PKHD1L1: variants seen among roughly 807,000 people sequenced by gnomAD.
The protein encoded by PKHD1L1 is PKHD1 like 1.
A neutral mutation model predicts 462.9 loss-of-function variants in PKHD1L1; 434 were observed. That is an observed-to-expected ratio of 0.94 (90% CI 0.87 to 1.02). The LOEUF is 1.02. PKHD1L1 is among the 50% of genes least tolerant of loss of function. The pLI is 0.00. For synonymous variants in PKHD1L1, 1,781 were observed against 1,750.0 expected (o/e 1.02, Z -0.44); for missense variants, 5,202 against 5,096.1 (o/e 1.02, Z -0.63).
chr8:109,460,241 A>T (rs868715046), intron 47 of PKHD1L1, among the ~76,000 whole-genome samples: 2 of 152,176 alleles, frequency 1.3e-5, no homozygotes, highest in African/African-American at 4.8e-5. Context: ...CTCAGAAAAT[A>T]TGGCAAACTA....
intron 2 of PKHD1L1, among the ~76,000 whole-genome samples, chr8:109,374,851 A>G (rs1811722799): frequency 1.3e-5 from 2 of 152,108 alleles, no homozygotes; most frequent in African/African-American, 2.4e-5. Context: ...TGGCTTGTAG[A>G]GTTTCTGCCG....
rs1333162427 is a variant in PKHD1L1 at position 109,425,326 on chromosome 8, CTTA to C, written c.2845+97_2845+99del. 3.8e-4 allele frequency: 309 copies of C among 802,802 alleles called. 1 individual carries two copies. In the East Asian group the frequency reaches 1.0e-2, roughly 26 times the overall value. 49.7% of individuals were successfully genotyped at this position (802,802 alleles called of 1,614,324 possible). A position where few individuals can be genotyped will look rare whatever the true frequency, so the allele number is the denominator to read the frequency against. ...ATTTTGTTTAACTTGAGAATTACTA[CTTA>C]TTGATACATACAAATATATTAATTA... On this transcript the variant is annotated intron_variant, in intron 24 of 77. Coordinates refer to ENST00000378402, the MANE Select transcript of PKHD1L1 (RefSeq NM_177531.6).
Position 109,400,214 on chromosome 8 carries a change from A to T in PKHD1L1, c.1151A>T (p.Glu384Val). Reference sequence around the variant, plus strand: ...TCAGCTTCCTATATTTGGCTCATGGAACAAGACACATTTGTTGCACGCTTT... The same window carrying T: ...TCAGCTTCCTATATTTGGCTCATGGTACAAGACACATTTGTTGCACGCTTT... ...VDSASYIWLM[E>V]QDTFVARFSG... The change falls in exon 13 of 78, where the codon GAA (glutamate) becomes GTA (valine). Residue 384 changes from glutamate (E) to valine (V), a missense_variant. Physicochemically the swap from Glu to Val is moderately radical, Grantham distance 121. This residue lies in a region of PKHD1L1 where 4,497 missense variants were observed against 4,336.8 expected (regional missense o/e 1.04). Transcript: ENST00000378402. The T allele has an allele frequency of 6.2e-7, 1 of 1,613,698 alleles. No homozygotes were observed. The highest frequency in any genetic ancestry group is 1.3e-5 in the African/African-American group (1 of 75,010).
chr8:109,533,431 T>G lies in PKHD1L1; in HGVS notation c.*3341T>G, dbSNP rs186949473. 6.6e-6 allele frequency among the ~76,000 whole-genome samples: 1 copy of G among 152,356 alleles called. No homozygotes were observed. Among genetic ancestry groups the G allele is most frequent in the Non-Finnish European group, 1.5e-5 (1 of 68,034 alleles). On this transcript the variant is annotated 3_prime_UTR_variant, in exon 78 of 78. Transcript: ENST00000378402. Reference sequence around the variant, plus strand: ...TAAACCATTAGGCTTCTTATTACACTGGAACAGTGCCTGGCATGTAATAAG... The same window carrying G: ...TAAACCATTAGGCTTCTTATTACACGGGAACAGTGCCTGGCATGTAATAAG...
intron 21 of PKHD1L1, among the ~76,000 whole-genome samples, chr8:109,415,863 GGGT>G (rs1814133351): frequency 1.6e-5 from 1 of 64,052 alleles, no homozygotes; most frequent in Non-Finnish European, 3.5e-5. Flanking sequence ...AAAAAAAAAG[GGGT>G]GTGTGTGTGT....
intron 50 of PKHD1L1, among the ~76,000 whole-genome samples, chr8:109,468,794 T>G (rs1366733118): frequency 6.6e-6 from 1 of 152,178 alleles, no homozygotes; most frequent in Non-Finnish European, 1.5e-5. Flanking sequence ...ATGGAAGGTC[T>G]GGTTATTTTT....
Position 109,420,615 on chromosome 8 carries a change from A to C in PKHD1L1, c.2622A>C (p.Thr874=). ...CCAAAACAAATGGGCCAACTATGAC[A>C]AACCAATATTCTGTTACCATGACTT... ...NQTKTNGPTM[T]NQYSVTMTSY... Residue 874 remains threonine, a synonymous_variant, in exon 23 of 78, where the codon ACA becomes ACC. Transcript: ENST00000378402. The C allele has an allele frequency of 6.2e-7, 1 of 1,610,336 alleles. No homozygotes were observed. The highest frequency in any genetic ancestry group is 8.5e-7 in the Non-Finnish European group (1 of 1,178,082).
rs1815409603 is a variant in PKHD1L1, at chr8:109,436,395, T to C, written c.3563T>C (p.Val1188Ala). The change falls in exon 30 of 78, where the codon GTT becomes GCT. Residue 1188 changes from valine (V) to alanine (A), a missense_variant. Physicochemically the swap from Val to Ala is moderately conservative, Grantham distance 64. This residue lies in a region of PKHD1L1 where 4,497 missense variants were observed against 4,336.8 expected (regional missense o/e 1.04). Transcript: ENST00000378402. ...FGFNENSKVL[V>A]GNETCNVIEG... ...TTTAATGAAAATTCAAAGGTATTAG[T>C]TGGAAATGAAACCTGCAATGTGATT... 2.5e-6 allele frequency: 4 copies of C among 1,613,504 alleles called. No individual in the cohort carries two copies. Among genetic ancestry groups the C allele is most frequent in the Non-Finnish European group, 3.4e-6 (4 of 1,179,728 alleles).
intron 38 of PKHD1L1, among the ~76,000 whole-genome samples, chr8:109,447,447 G>A (rs970087217): frequency 6.6e-6 from 1 of 152,102 alleles, no homozygotes; most frequent in Non-Finnish European, 1.5e-5. Context: ...TTAAAATTTA[G>A]GTATGTGGAT....
At chr8:109,378,031 T>C (rs771424255) in intron 2 of PKHD1L1, among the ~76,000 whole-genome samples, 12 of 152,166 alleles carry the variant, frequency 7.9e-5, no homozygotes, top group Admixed American at 5.9e-4. Flanking sequence ...AAATATACTG[T>C]TATTCTGCCC....
At chr8:109,402,319 T>C (rs758566208) in intron 14 of PKHD1L1, among the ~76,000 whole-genome samples, 1 of 152,192 alleles carries the variant, frequency 6.6e-6, no homozygotes, top group Non-Finnish European at 1.5e-5. Context: ...GTGTGAATTA[T>C]TTTGCACAAT....
Position 109,394,368 on chromosome 8 carries a change from T to C in PKHD1L1, c.741-47T>C, listed in dbSNP as rs113740078. 627 of 1,261,412 alleles carry C rather than the reference T, an allele frequency of 5.0e-4. 4 individuals are homozygous for C. The African/African-American group carries it at 8.8e-3, about 18-fold the overall frequency. The allele number at this position is 1,261,412 out of a possible 1,614,324, so 78.1% of individuals were successfully genotyped here. Reference sequence around the variant, plus strand: ...ATCACTGAAGTTAAAAAAATGTTCCTAAATTAAAGATCATTTAAAGCAGAA... The same window carrying C: ...ATCACTGAAGTTAAAAAAATGTTCCCAAATTAAAGATCATTTAAAGCAGAA... On this transcript the variant is annotated intron_variant, in intron 9 of 77. Coordinates refer to ENST00000378402, the MANE Select transcript of PKHD1L1 (RefSeq NM_177531.6).
At chr8:109,481,617 A>C in intron 56 of PKHD1L1, 55 bp downstream of exon 56, 1 of 1,437,800 alleles carries the variant, frequency 7.0e-7, no homozygotes, top group Non-Finnish European at 9.2e-7. Flanking sequence ...TCTACTTTAA[A>C]ATATATGGCA....
In PKHD1L1 at chr8:109,464,987, G is replaced by A. The variant is rs1817356010; in HGVS notation, c.8155G>A (p.Gly2719Arg). Residue 2719 changes from glycine (G) to arginine (R), a missense_variant, in exon 49 of 78, where the codon GGG (glycine) becomes AGG (arginine). Physicochemically the swap from Gly to Arg is moderately radical, Grantham distance 125 (BLOSUM62 -2). Transcript: ENST00000378402. ...IVGHLDELGM[G>R]SAFCTAKGLV... ...CGGCCATCTTGATGAACTGGGAATG[G>A]GGTCTGCATTTTGCACAGCAAAAGG... is the stretch of plus-strand genomic sequence containing the variant. 1.2e-6 allele frequency: 2 copies of A among 1,613,774 alleles called. No homozygotes were observed. The highest frequency in any genetic ancestry group is 1.7e-6 in the Non-Finnish European group (2 of 1,179,764).
At chr8:109,523,531 T>A in intron 76 of PKHD1L1, 145 bp downstream of exon 76, 2 of 703,644 alleles carry the variant, frequency 2.8e-6, no homozygotes, top group Non-Finnish European at 4.3e-6. Flanking sequence ...TTTCAGAAAA[T>A]ATTTAGTCTA....
Position 109,489,934 on chromosome 8 carries a change from A to C in PKHD1L1, c.9881-18A>C. ...ACTGTTTTAAGAAAAACAAATTTTAAATCTTTCCCTACCTTAGGAAATGCA... is the reference window on the plus strand; with the variant it reads ...ACTGTTTTAAGAAAAACAAATTTTACATCTTTCCCTACCTTAGGAAATGCA... On this transcript the variant is annotated intron_variant, in intron 59 of 77. Coordinates refer to ENST00000378402, the MANE Select transcript of PKHD1L1 (RefSeq NM_177531.6). 1 of 1,482,310 alleles carries C rather than the reference A, an allele frequency of 6.7e-7. No individual in the cohort carries two copies. The highest frequency in any genetic ancestry group is 1.7e-4 in the Middle Eastern group (1 of 5,794). The allele number at this position is 1,482,310 out of a possible 1,614,324, so 91.8% of individuals were successfully genotyped here. A position where few individuals can be genotyped will look rare whatever the true frequency, so the allele number is the denominator to read the frequency against.
rs547399708 is a variant in PKHD1L1 at position 109,518,320 on chromosome 8, C to T, written c.11843C>T (p.Thr3948Ile). ...GTTTCTTTCCAATTATCTGTTGCAA[C>T]AGAAGATGACTTTTATACCTCTCAC... ...IFVSFQLSVA[T>I]EDDFYTSHNL... is the part of the protein sequence containing the mutation. Residue 3948 changes from threonine to isoleucine, a missense_variant, in exon 73 of 78, where the codon ACA becomes ATA. Thr to Ile is a moderately conservative substitution (Grantham distance 89). Transcript: ENST00000378402. 1 of 1,613,306 alleles carries T rather than the reference C, an allele frequency of 6.2e-7. No homozygotes were observed. The highest frequency in any genetic ancestry group is 1.1e-5 in the South Asian group (1 of 91,060).
intron 4 of PKHD1L1, among the ~76,000 whole-genome samples, chr8:109,383,097 AT>A (rs1431507930): frequency 8.1e-6 from 1 of 123,540 alleles, no homozygotes; most frequent in African/African-American, 3.1e-5. Flanking sequence ...ATTATATATA[AT>A]ATATAAATAG....
intron 25 of PKHD1L1, among the ~76,000 whole-genome samples, chr8:109,429,125 A>G (rs1482661381): frequency 6.6e-6 from 1 of 152,116 alleles, no homozygotes; most frequent in Non-Finnish European, 1.5e-5. Context: ...GCAATGTATG[A>G]TAATGCAATG....
Sources: gnomAD v4.1 joint callset for allele counts (sites outside exome capture counted in the v4.1 genomes callset) on GRCh38, gnomAD v4.1.1 for gene constraint, gnomAD v4.1.1 regional missense constraint, MANE v1.5 for transcripts, NCBI Gene and HGNC (gene_info 2026-07-23, HGNC 2026-07-21) for gene names.